The following TRABD2B variants were observed in gnomAD, a reference collection of about 807,000 sequenced individuals.
TRABD2B encodes TraB domain containing 2B.
In TRABD2B, 14 loss-of-function variants were observed where a neutral mutation model predicts 40.1. The ratio of observed to expected loss-of-function variants is 0.35; its 90% CI spans 0.23 to 0.55. The LOEUF (loss-of-function observed/expected upper bound fraction) is 0.55, where lower values mean the gene tolerates loss of function less well. Among genes scored for constraint, TRABD2B ranks in the 20% least tolerant of loss-of-function variants. The probability of loss-of-function intolerance (pLI) is 0.90; values close to 1 mark genes in which losing one functional copy is unlikely to be tolerated. For missense variants in TRABD2B, 541 were observed against 648.6 expected, an observed-to-expected ratio of 0.83 and a Z score of 1.80; for synonymous variants, 263 against 277.0, an observed-to-expected ratio of 0.95 and a Z score of 0.50.
In TRABD2B at chr1:47,823,038, A is replaced by G. The variant is rs184145201; in HGVS notation, c.667-21419T>C. ...CTAAGTGAAGAGTGGTGATGGGGAC[A>G]TGATGCTGGTGAGGCATTCAGGGCA... is the stretch of plus-strand genomic sequence containing the variant. On this transcript the variant is annotated intron_variant, in intron 2 of 6. Transcript: ENST00000606738. Among the ~76,000 whole-genome samples, 6 of 152,344 alleles carry G rather than the reference A, an allele frequency of 3.9e-5. No individual in the cohort carries two copies. The East Asian group carries it at 1.2e-3, about 29-fold the overall frequency.
chr1:47,833,221 G>A (rs1028155218), intron 2 of TRABD2B, among the ~76,000 whole-genome samples: 9 of 152,190 alleles, frequency 5.9e-5, no homozygotes, highest in Admixed American at 5.9e-4. Context: ...GTCTTGATCT[G>A]ACTCCTGATT....
intron 6 of TRABD2B, among the ~76,000 whole-genome samples, chr1:47,768,745 A>T (rs1009467843): frequency 1.2e-4 from 19 of 152,238 alleles, no homozygotes; most frequent in African/African-American, 4.6e-4. Flanking sequence ...TATTTTTAGC[A>T]TCATTATTAA....
intron 2 of TRABD2B, among the ~76,000 whole-genome samples, chr1:47,921,849 G>A (rs1230941390): frequency 2.6e-5 from 4 of 152,202 alleles, no homozygotes; most frequent in East Asian, 3.9e-4. Flanking sequence ...ATAAGTGACT[G>A]TAAAGAAAAT....
At chr1:47,809,073 C>T (rs373489050) in intron 2 of TRABD2B, among the ~76,000 whole-genome samples, 2 of 152,190 alleles carry the variant, frequency 1.3e-5, no homozygotes, top group African/African-American at 2.4e-5. Context: ...CTCCTCTGCA[C>T]GTCCTCTGTC....
At chr1:47,786,504 C>T (rs747861769) in intron 4 of TRABD2B, among the ~76,000 whole-genome samples, 6 of 152,182 alleles carry the variant, frequency 3.9e-5, no homozygotes, top group Admixed American at 6.5e-5. Flanking sequence ...GCAGCAACGG[C>T]GACTCTGGCC....
At chr1:47,778,912 G>A (rs1644483985) in intron 4 of TRABD2B, among the ~76,000 whole-genome samples, 2 of 152,298 alleles carry the variant, frequency 1.3e-5, no homozygotes, top group African/African-American at 4.8e-5. Flanking sequence ...CTCACACCAT[G>A]AAGCTGACCC....
At chr1:47,871,442 C>T (rs1644139125) in intron 2 of TRABD2B, among the ~76,000 whole-genome samples, 1 of 150,738 alleles carries the variant, frequency 6.6e-6, no homozygotes, top group African/African-American at 2.4e-5. Context: ...AACAAACCAG[C>T]CCCCACAGCC....
intron 2 of TRABD2B, among the ~76,000 whole-genome samples, chr1:47,814,817 T>A (rs2124371990): frequency 6.6e-6 from 1 of 152,318 alleles, no homozygotes; most frequent in South Asian, 2.1e-4. Flanking sequence ...TGCGCAGAAC[T>A]TGGCCTCACA....
At chr1:47,863,737 T>C (rs1486591878) in intron 2 of TRABD2B, among the ~76,000 whole-genome samples, 4 of 152,204 alleles carry the variant, frequency 2.6e-5, no homozygotes, top group African/African-American at 9.7e-5. Flanking sequence ...CCAGCAATCA[T>C]ACTCCTTGGT....
intron 2 of TRABD2B, among the ~76,000 whole-genome samples, chr1:47,846,702 G>T (rs1645474829): frequency 6.6e-6 from 1 of 152,112 alleles, no homozygotes; most frequent in Non-Finnish European, 1.5e-5. Context: ...ACATCTGGGG[G>T]ACTTACTGTA....
chr1:47,962,956 G>A (rs527353014), intron 2 of TRABD2B, among the ~76,000 whole-genome samples: 4 of 152,274 alleles, frequency 2.6e-5, no homozygotes, highest in African/African-American at 7.2e-5. Flanking sequence ...CTGCTGCCCC[G>A]CCGTGAAACA....
intron 2 of TRABD2B, among the ~76,000 whole-genome samples, chr1:47,873,050 C>T (rs2124597675): frequency 6.6e-6 from 1 of 152,268 alleles, no homozygotes; most frequent in South Asian, 2.1e-4. Context: ...GCCTTCTTGC[C>T]ATGTCCTCAC....
At chr1:47,820,217 T>A (rs1645087710) in intron 2 of TRABD2B, 1 of 152,218 alleles carries the variant, frequency 6.6e-6, no homozygotes, top group Admixed American at 6.5e-5. Context: ...ATGCACTCAA[T>A]AAATGTCGTG....
At chr1:47,794,837 G>A (rs1051994374) in intron 3 of TRABD2B, 77 bp from the exon 4 acceptor site, 1 of 1,365,434 alleles carries the variant, frequency 7.3e-7, no homozygotes, top group African/African-American at 1.5e-5. Context: ...CTGTCACCCA[G>A]GTTGGAGTGC....
chr1:47,992,461 C>A (rs2148462917), intron 2 of TRABD2B, among the ~76,000 whole-genome samples: 1 of 152,284 alleles, frequency 6.6e-6, no homozygotes, highest in South Asian at 2.1e-4. Context: ...TGTGTGCTCC[C>A]TTCAGCCTTT....
intron 2 of TRABD2B, among the ~76,000 whole-genome samples, chr1:47,947,433 G>A (rs997652757): frequency 6.6e-5 from 10 of 152,240 alleles, no homozygotes; most frequent in South Asian, 2.1e-4. Context: ...GCATAATGGC[G>A]TCATTAACAC....
chr1:47,771,802 T>C (rs1346547965), intron 6 of TRABD2B, among the ~76,000 whole-genome samples: 1 of 152,184 alleles, frequency 6.6e-6, no homozygotes, highest in Non-Finnish European at 1.5e-5. Flanking sequence ...CATCCTGCCA[T>C]GGGCTACTGC....
intron 2 of TRABD2B, among the ~76,000 whole-genome samples, chr1:47,828,824 C>T (rs889372809): frequency 6.6e-6 from 1 of 152,184 alleles, no homozygotes; most frequent in African/African-American, 2.4e-5. Flanking sequence ...TAGACTCTCA[C>T]GTGACAGGTG....
In TRABD2B at chr1:47,883,520, G is replaced by C. The variant is rs951419113; in HGVS notation, c.667-81901C>G. Among the ~76,000 whole-genome samples the C allele has an allele frequency of 5.3e-5, 8 of 152,310 alleles. No homozygotes were observed. In the South Asian group the frequency reaches 8.3e-4, roughly 16 times the overall value. On this transcript the variant is annotated intron_variant, in intron 2 of 6. Transcript: ENST00000606738. Reference sequence around the variant, plus strand: ...GAGGAGACTCAGGGATGGAAAGTAAGTGTGGCCCTGAATATGGATGTGTCT... The same window carrying C: ...GAGGAGACTCAGGGATGGAAAGTAACTGTGGCCCTGAATATGGATGTGTCT...
Sources: gnomAD v4.1 joint callset for allele counts (sites outside exome capture counted in the v4.1 genomes callset) on GRCh38, gnomAD v4.1.1 for gene constraint, MANE v1.5 for transcripts, NCBI Gene and HGNC (gene_info 2026-07-23, HGNC 2026-07-21) for gene names.